Variants in THSD4 observed in about 807,000 individuals in gnomAD.
THSD4 encodes the protein thrombospondin type 1 domain containing 4.
THSD4 carries 69 observed loss-of-function variants against 119.0 expected under a neutral mutation model. That is an observed-to-expected ratio of 0.58 (90% CI 0.48 to 0.71). THSD4 has a LOEUF of 0.71. Ranked by LOEUF, THSD4 falls within the 30% of genes least tolerant of loss-of-function variation. THSD4 has a pLI of 0.00. For missense variants in THSD4, 1,393 were observed against 1,391.1 expected (o/e 1.00, Z -0.02); for synonymous variants, 524 against 540.4 (o/e 0.97, Z 0.42).
chr15:71,735,008 G>A (rs4777452), intron 10 of THSD4, among the ~76,000 whole-genome samples: 123,210 of 151,956 alleles, frequency 0.81, 51,615 homozygotes, highest in Middle Eastern at 0.93. Flanking sequence ...CCATTAGTCA[G>A]TTTAAATCTG....
intron 8 of THSD4, among the ~76,000 whole-genome samples, chr15:71,712,030 A>C (rs2052527253): frequency 6.6e-6 from 1 of 152,214 alleles, no homozygotes; most frequent in Admixed American, 6.5e-5. Flanking sequence ...CATTTATACA[A>C]CACTCCAACC....
chr15:71,550,239 C>A (rs2140857250), intron 7 of THSD4, among the ~76,000 whole-genome samples: 1 of 152,296 alleles, frequency 6.6e-6, no homozygotes, highest in Middle Eastern at 3.4e-3. Context: ...TTGCAGGATG[C>A]AGCAGAATGG....
chr15:71,334,141 C>A (rs2045463458), intron 6 of THSD4, among the ~76,000 whole-genome samples: 1 of 152,160 alleles, frequency 6.6e-6, no homozygotes, highest in Non-Finnish European at 1.5e-5. Flanking sequence ...AAACCGGAAG[C>A]CAGAGCAGTA....
chr15:71,268,407 A>G (rs922655409), intron 6 of THSD4, among the ~76,000 whole-genome samples: 2 of 152,220 alleles, frequency 1.3e-5, no homozygotes, highest in African/African-American at 4.8e-5. Context: ...TTTGAAACCA[A>G]TGAGAACAAA....
At chr15:71,427,133 C>G (rs1213860652) in intron 7 of THSD4, among the ~76,000 whole-genome samples, 1 of 150,560 alleles carries the variant, frequency 6.6e-6, no homozygotes, top group African/African-American at 2.4e-5. Flanking sequence ...GAACAACTAC[C>G]CAACATAAAA....
At chr15:71,543,339 G>T (rs938300539) in intron 7 of THSD4, among the ~76,000 whole-genome samples, 1 of 152,142 alleles carries the variant, frequency 6.6e-6, no homozygotes, top group Admixed American at 6.5e-5. Flanking sequence ...TGGGAAAGAG[G>T]CCTGGAAGGA....
At chr15:71,350,161 A>T (rs2045725261) in intron 6 of THSD4, among the ~76,000 whole-genome samples, 1 of 147,120 alleles carries the variant, frequency 6.8e-6, no homozygotes, top group South Asian at 2.2e-4. Flanking sequence ...AAAAAAAAAA[A>T]TGAACATTGA....
At chr15:71,143,700 CTTTTTTTTTTTTT>C (rs546375502) in intron 2 of THSD4, among the ~76,000 whole-genome samples, 4,153 of 100,746 alleles carry the variant, frequency 0.041, 205 homozygotes, top group African/African-American at 0.14. Context: ...TTTTTTCTTT[CTTTTTTTTTTTTT>C]TTTTTTCAAA....
chr15:71,403,268 C>T (rs12708504), intron 6 of THSD4, among the ~76,000 whole-genome samples: 1 of 151,892 alleles, frequency 6.6e-6, no homozygotes, highest in Non-Finnish European at 1.5e-5. Context: ...AGGTAAATTG[C>T]GTGAGAATTG....
intron 8 of THSD4, among the ~76,000 whole-genome samples, chr15:71,722,617 A>C (rs1437188524): frequency 6.6e-6 from 1 of 152,218 alleles, no homozygotes; most frequent in African/African-American, 2.4e-5. Context: ...AAGAGAAAAT[A>C]TCTTTCACAA....
chr15:71,139,746 C>T (rs529205511), intron 1 of THSD4, among the ~76,000 whole-genome samples: 4 of 152,288 alleles, frequency 2.6e-5, no homozygotes, highest in Non-Finnish European at 5.9e-5. Context: ...TATTTTCCCA[C>T]CCACATTTTC....
chr15:71,360,724 A>G (rs1214140646), intron 6 of THSD4, among the ~76,000 whole-genome samples: 1 of 152,222 alleles, frequency 6.6e-6, no homozygotes, highest in East Asian at 1.9e-4. Context: ...GAAATTATCT[A>G]ATCTCACCTT....
intron 8 of THSD4, among the ~76,000 whole-genome samples, chr15:71,693,144 T>C (rs1481036956): frequency 6.6e-6 from 1 of 152,138 alleles, no homozygotes; most frequent in African/African-American, 2.4e-5. Flanking sequence ...ACCTAGCCTA[T>C]GGGAAAGGAA....
intron 8 of THSD4, among the ~76,000 whole-genome samples, chr15:71,670,263 A>G (rs2051496729): frequency 6.6e-6 from 1 of 150,462 alleles, no homozygotes; most frequent in Non-Finnish European, 1.5e-5. Flanking sequence ...CCGGTGTGTG[A>G]TGTTCCCTGC....
At chr15:71,539,792 G>C (rs746416792) in intron 7 of THSD4, among the ~76,000 whole-genome samples, 1 of 152,108 alleles carries the variant, frequency 6.6e-6, no homozygotes, top group Non-Finnish European at 1.5e-5. Context: ...CTTTGCATCC[G>C]TTCTCTTGTT....
chr15:71,545,870 T>A (rs1189181717), intron 7 of THSD4, among the ~76,000 whole-genome samples: 1 of 152,160 alleles, frequency 6.6e-6, no homozygotes, highest in Non-Finnish European at 1.5e-5. Flanking sequence ...ATGTGACTGG[T>A]GATAATAAAC....
chr15:71,265,672 C>A (rs1213794848), intron 6 of THSD4, among the ~76,000 whole-genome samples: 2 of 152,106 alleles, frequency 1.3e-5, no homozygotes, highest in Non-Finnish European at 2.9e-5. Flanking sequence ...GCAGGTCCCA[C>A]CCCCACGGAG....
At chr15:71,424,473 A>G (rs1024141204) in intron 7 of THSD4, among the ~76,000 whole-genome samples, 2 of 152,136 alleles carry the variant, frequency 1.3e-5, no homozygotes, top group African/African-American at 4.8e-5. Context: ...CTCGAAGGGA[A>G]AGGGCAAGTA....
At chr15:71,644,745 T>C (rs1260893492) in intron 7 of THSD4, among the ~76,000 whole-genome samples, 3 of 152,198 alleles carry the variant, frequency 2.0e-5, no homozygotes. Context: ...TACTGGTTAC[T>C]AATCTGAATG....
Sources: gnomAD v4.1 joint callset for allele counts (sites outside exome capture counted in the v4.1 genomes callset) on GRCh38, gnomAD v4.1.1 for gene constraint, MANE v1.5 for transcripts, NCBI Gene and HGNC (gene_info 2026-07-23, HGNC 2026-07-21) for gene names.